The following CLPX variants were observed in gnomAD, a reference collection of about 807,000 sequenced individuals.
CLPX encodes ATP-dependent clpX-like chaperone, mitochondrial.
CLPX carries 34 observed loss-of-function variants against 76.4 expected under a neutral mutation model. That is an observed-to-expected ratio of 0.45 (90% confidence interval 0.34 to 0.59). The LOEUF is 0.59. Ranked by LOEUF, CLPX falls within the 20% of genes least tolerant of loss-of-function variation. The probability of loss-of-function intolerance (pLI) is 0.01; values close to 1 mark genes in which losing one functional copy is unlikely to be tolerated. For missense variants in CLPX, 613 were observed against 757.0 expected (o/e 0.81, Z 2.23); for synonymous variants, 248 against 270.9 (o/e 0.92, Z 0.83).
chr15:65,179,802 T>C (rs2088139591), intron 2 of CLPX, among the ~76,000 whole-genome samples: 1 of 152,226 alleles, frequency 6.6e-6, no homozygotes, highest in South Asian at 2.1e-4. Flanking sequence ...TGTCATTTAA[T>C]GACACTTCTT....
At chr15:65,183,026 G>T (rs141976017) in intron 1 of CLPX, among the ~76,000 whole-genome samples, 2 of 149,224 alleles carry the variant, frequency 1.3e-5, no homozygotes, top group African/African-American at 4.9e-5. Flanking sequence ...AGTGGGGCGT[G>T]GTGGCGCGCG....
chr15:65,180,139 G>C lies in CLPX; in HGVS notation c.145C>G (p.Leu49Val), dbSNP rs772160949. 1.9e-6 allele frequency: 3 copies of C among 1,612,514 alleles called. No homozygotes were observed. The African/African-American group carries it at 4.0e-5, about 22-fold the overall frequency. Residue 49 changes from leucine (L) to valine (V), a missense_variant, in exon 2 of 14, where the codon CTG (leucine) becomes GTG (valine). Transcript: ENST00000300107. ...GRLGTFETQI[L>V]QRAPLRSFTE... is the part of the protein sequence containing the mutation. ...AAGGATCTAAGAGGAGCTCTTTGCAGAATCTGAGTTTCAAATGTCCCAAGC... is the reference window on the plus strand; with the variant it reads ...AAGGATCTAAGAGGAGCTCTTTGCACAATCTGAGTTTCAAATGTCCCAAGC...
chr15:65,172,364 T>C (rs1052796470), intron 3 of CLPX, among the ~76,000 whole-genome samples: 1 of 152,120 alleles, frequency 6.6e-6, no homozygotes, highest in Non-Finnish European at 1.5e-5. Flanking sequence ...TATCCTATAT[T>C]TCTTTACATA....
At chr15:65,156,674 G>T in intron 9 of CLPX, 170 bp downstream of exon 9, 2 of 421,462 alleles carry the variant, frequency 4.7e-6, no homozygotes, top group South Asian at 8.5e-5. Context: ...ATTTCAAATT[G>T]TCAACAACTT....
At chr15:65,171,087 CTGGGATTACAGGCA>C (rs2140638256) in intron 3 of CLPX, among the ~76,000 whole-genome samples, 1 of 152,058 alleles carries the variant, frequency 6.6e-6, no homozygotes, top group African/African-American at 2.4e-5. Context: ...TCCCAAAGTG[CTGGGATTACAGGCA>C]TGAGCCACTG....
rs1285738762 is a variant in CLPX at position 65,155,925 on chromosome 15, GGA to G, written c.1147-71_1147-70del. Reference sequence around the variant, plus strand: ...ATTATTTATTATACTTTAGACAATAGGATTAAATGGGGAAAACAATATGTGAT... The same window carrying G: ...ATTATTTATTATACTTTAGACAATAGTTAAATGGGGAAAACAATATGTGAT... On this transcript the variant is annotated intron_variant, in intron 9 of 13. Transcript: ENST00000300107. The G allele has an allele frequency of 6.1e-6, 8 of 1,309,350 alleles. No homozygotes were observed. The East Asian group carries it at 1.6e-4, about 27-fold the overall frequency. 81.1% of individuals were successfully genotyped at this position (1,309,350 alleles called of 1,614,324 possible).
In CLPX at chr15:65,185,034, C is replaced by A. The variant is rs201270251; in HGVS notation, c.79+41G>T. 24,311 of 1,519,162 alleles carry A rather than the reference C, an allele frequency of 0.016. 272 individuals carry two copies. The highest frequency in any genetic ancestry group is 0.019 in the Non-Finnish European group (21,141 of 1,117,922). 94.1% of individuals were successfully genotyped at this position (1,519,162 alleles called of 1,614,324 possible). On this transcript the variant is annotated intron_variant, in intron 1 of 13. Coordinates refer to ENST00000300107, the MANE Select transcript of CLPX (RefSeq NM_006660.5). ...CAACCATTGGCCAGTCCACCCCCCCCCCGACAGGCTGAGGGCTCAGGAGTG... is the reference window on the plus strand; with the variant it reads ...CAACCATTGGCCAGTCCACCCCCCCACCGACAGGCTGAGGGCTCAGGAGTG...
intron 9 of CLPX, 186 bp downstream of exon 9, chr15:65,156,658 T>C (rs912395722): frequency 4.5e-6 from 2 of 442,570 alleles, no homozygotes; most frequent in Non-Finnish European, 8.0e-6. Flanking sequence ...AACAAGGTAA[T>C]TTGTTATTTC....
intron 6 of CLPX, 66 bp downstream of exon 6, chr15:65,162,538 A>T: frequency 9.2e-7 from 1 of 1,089,260 alleles, no homozygotes. Flanking sequence ...GTTACTGCTG[A>T]AACACTTCAC....
intron 1 of CLPX, among the ~76,000 whole-genome samples, chr15:65,184,835 T>C (rs1287942338): frequency 6.6e-6 from 1 of 152,268 alleles, no homozygotes; most frequent in East Asian, 1.9e-4. Context: ...TCAGCAGGCC[T>C]GAAAGCGTGC....
chr15:65,184,717 G>C (rs1200932414), intron 1 of CLPX, among the ~76,000 whole-genome samples: 1 of 152,248 alleles, frequency 6.6e-6, no homozygotes, highest in East Asian at 1.9e-4. Context: ...GCCATGGCAG[G>C]CGGCGGTCCC....
chr15:65,160,256 T>A (rs1252262049), intron 6 of CLPX, among the ~76,000 whole-genome samples: 1 of 152,244 alleles, frequency 6.6e-6, no homozygotes, highest in Admixed American at 6.5e-5. Flanking sequence ...ACTATCTTCA[T>A]ACTTAAGGTA....
At chr15:65,179,125 T>A in intron 2 of CLPX, 74 bp from the exon 3 acceptor site, 1 of 736,440 alleles carries the variant, frequency 1.4e-6, no homozygotes, top group Non-Finnish European at 2.3e-6. Flanking sequence ...ATGTAAACAA[T>A]ACTGTTTGTA....
At chr15:65,176,157 A>G (rs1235200454) in intron 3 of CLPX, among the ~76,000 whole-genome samples, 1 of 152,238 alleles carries the variant, frequency 6.6e-6, no homozygotes, top group Non-Finnish European at 1.5e-5. Flanking sequence ...GGTCTAACTA[A>G]TAATATACAT....
At position 65,150,739 on chromosome 15, in the gene CLPX, G is replaced by GCCTTTAATATCA. The variant is rs2087708843; in HGVS notation, c.*72_*83dup. 4 of 863,882 alleles carry GCCTTTAATATCA rather than the reference G, an allele frequency of 4.6e-6. No individual in the cohort carries two copies. The Admixed American group carries it at 6.7e-5, about 14-fold the overall frequency. 53.5% of individuals were successfully genotyped at this position (863,882 alleles called of 1,614,324 possible). On this transcript the variant is annotated 3_prime_UTR_variant, in exon 14 of 14. Coordinates refer to ENST00000300107, the MANE Select transcript of CLPX (RefSeq NM_006660.5). Reference sequence around the variant, plus strand: ...GTATGATATCCAAGATAGATCCAATGCCTTTAATATCAGACTGTAGAGACA... The same window carrying GCCTTTAATATCA: ...GTATGATATCCAAGATAGATCCAATGCCTTTAATATCACCTTTAATATCAGACTGTAGAGACA...
chr15:65,179,120 A>T lies in CLPX; in HGVS notation c.241-69T>A. 6 of 781,270 alleles carry T rather than the reference A, an allele frequency of 7.7e-6. No individual in the cohort carries two copies. The South Asian group carries it at 9.8e-5, about 13-fold the overall frequency. 48.4% of individuals were successfully genotyped at this position (781,270 alleles called of 1,614,324 possible). On this transcript the variant is annotated intron_variant, in intron 2 of 13. Coordinates refer to ENST00000300107, the MANE Select transcript of CLPX (RefSeq NM_006660.5). ...GTTTCAGGCAACCAACTTAAATGTA[A>T]ACAATACTGTTTGTAATTAATTTTA...
At chr15:65,185,035 C>CG (rs2088237855) in intron 1 of CLPX, 40 bp downstream of exon 1, 2 of 1,524,366 alleles carry the variant, frequency 1.3e-6, no homozygotes, top group Non-Finnish European at 8.9e-7. Flanking sequence ...CACCCCCCCC[C>CG]CGACAGGCTG....
intron 1 of CLPX, among the ~76,000 whole-genome samples, chr15:65,182,415 C>T (rs2088187764): frequency 6.6e-6 from 1 of 151,960 alleles, no homozygotes; most frequent in Non-Finnish European, 1.5e-5. Flanking sequence ...TAAAATATGC[C>T]TCTTTATTAA....
chr15:65,170,536 G>A (rs1340237906), intron 3 of CLPX, among the ~76,000 whole-genome samples: 3 of 151,942 alleles, frequency 2.0e-5, no homozygotes, highest in African/African-American at 2.4e-5. Flanking sequence ...AGGCCGAGGC[G>A]GGTGGATCAC....
Sources: allele counts gnomAD v4.1 joint callset (sites outside exome capture counted in the v4.1 genomes callset), GRCh38; gene constraint gnomAD v4.1.1; transcripts MANE v1.5; gene names NCBI Gene and HGNC (gene_info 2026-07-23, HGNC 2026-07-21).